Variants in DAPK1 observed in about 807,000 individuals in gnomAD.
The protein encoded by DAPK1 is death-associated protein kinase 1.
A neutral mutation model predicts 144.9 loss-of-function variants in DAPK1; 56 were observed. The ratio of observed to expected loss-of-function variants is 0.39; its 90% CI spans 0.31 to 0.48. The LOEUF (loss-of-function observed/expected upper bound fraction) is 0.48, where lower values mean the gene tolerates loss of function less well. Ranked by LOEUF, DAPK1 falls within the 20% of genes least tolerant of loss-of-function variation. The probability of loss-of-function intolerance (pLI) is 0.95; values close to 1 mark genes in which losing one functional copy is unlikely to be tolerated. For missense variants in DAPK1, 1,454 were observed against 1,875.4 expected (o/e 0.78, Z 4.15); for synonymous variants, 690 against 749.0 (o/e 0.92, Z 1.29).
At chr9:87,566,638 G>C (rs190172845) in intron 2 of DAPK1, among the ~76,000 whole-genome samples, 13 of 152,316 alleles carry the variant, frequency 8.5e-5, no homozygotes, top group African/African-American at 2.9e-4. Flanking sequence ...GATGGCTACA[G>C]AACTAGCCTA....
intron 2 of DAPK1, among the ~76,000 whole-genome samples, chr9:87,519,757 G>A (rs1825223668): frequency 6.6e-6 from 1 of 152,158 alleles, no homozygotes; most frequent in Non-Finnish European, 1.5e-5. Flanking sequence ...TGACAATGAG[G>A]TGGGGCCCAA....
intron 3 of DAPK1, among the ~76,000 whole-genome samples, chr9:87,628,174 A>T (rs553551295): frequency 2.0e-5 from 3 of 152,316 alleles, no homozygotes; most frequent in Non-Finnish European, 1.5e-5. Flanking sequence ...TTTGAGTGCC[A>T]CGCATGCATG....
chr9:87,613,580 TG>T (rs1309478407), intron 3 of DAPK1, among the ~76,000 whole-genome samples: 1 of 152,194 alleles, frequency 6.6e-6, no homozygotes, highest in Non-Finnish European at 1.5e-5. Flanking sequence ...GCGTGGTGCA[TG>T]TATGTAGACG....
chr9:87,560,549 T>C (rs1433956060), intron 2 of DAPK1, among the ~76,000 whole-genome samples: 3 of 152,156 alleles, frequency 2.0e-5, no homozygotes, highest in African/African-American at 7.2e-5. Flanking sequence ...TGATTTGGAC[T>C]ACTTTAGATA....
chr9:87,553,007 C>T (rs1826555068), intron 2 of DAPK1, among the ~76,000 whole-genome samples: 1 of 152,150 alleles, frequency 6.6e-6, no homozygotes, highest in African/African-American at 2.4e-5. Context: ...TTTTCGTCAT[C>T]CCAAGCTGAA....
At chr9:87,612,953 A>T (rs1188758305) in intron 3 of DAPK1, among the ~76,000 whole-genome samples, 2 of 152,188 alleles carry the variant, frequency 1.3e-5, no homozygotes, top group Admixed American at 1.3e-4. Context: ...CCAAGTAAGT[A>T]TTGGCATGGT....
At chr9:87,640,192 G>C in intron 7 of DAPK1, 106 bp from the exon 8 acceptor site, 1 of 1,131,716 alleles carries the variant, frequency 8.8e-7, no homozygotes, top group Non-Finnish European at 1.3e-6. Context: ...GTGACTATTC[G>C]AGCACCAGAT....
intron 25 of DAPK1, among the ~76,000 whole-genome samples, chr9:87,703,920 C>T (rs1825546027): frequency 6.6e-6 from 1 of 152,154 alleles, no homozygotes; most frequent in Non-Finnish European, 1.5e-5. Flanking sequence ...CCTACATGAA[C>T]TAGTGTGGGC....
chr9:87,602,169 A>G (rs1313131911), intron 2 of DAPK1, among the ~76,000 whole-genome samples: 2 of 152,194 alleles, frequency 1.3e-5, no homozygotes, highest in East Asian at 3.8e-4. Context: ...ACGGTATCTT[A>G]AAAGAGGTGA....
chr9:87,646,360 T>C (rs2119159873), intron 12 of DAPK1, 101 bp from the exon 13 acceptor site: 1 of 866,222 alleles, frequency 1.2e-6, no homozygotes, highest in East Asian at 2.5e-5. Context: ...GCTCTATGTC[T>C]GTTGAGACAG....
At chr9:87,554,821 G>A (rs113260314) in intron 2 of DAPK1, among the ~76,000 whole-genome samples, 174 of 152,250 alleles carry the variant, frequency 1.1e-3, no homozygotes, top group Admixed American at 7.8e-3. Context: ...CACCCCCACC[G>A]GAGGTCTGAG....
chr9:87,651,767 C>T, intron 17 of DAPK1, 43 bp downstream of exon 17: 2 of 1,560,040 alleles, frequency 1.3e-6, no homozygotes, highest in Non-Finnish European at 1.8e-6. Context: ...CAACTGTGTC[C>T]ATCCACCCGA....
chr9:87,668,135 A>G (rs796681501), intron 18 of DAPK1: 6 of 153,874 alleles, frequency 3.9e-5, no homozygotes, highest in African/African-American at 1.4e-4. Context: ...TTCCTTTGAA[A>G]TGCACAGTAA....
rs755550317 is a variant in DAPK1 at position 87,658,039 on chromosome 9, C to T, written c.1835C>T (p.Thr612Met). 4.2e-5 allele frequency: 59 copies of T among 1,399,324 alleles called. No individual in the cohort carries two copies. Among genetic ancestry groups the T allele is most frequent in the Admixed American group, 3.0e-4 (18 of 59,380 alleles). 86.7% of individuals were successfully genotyped at this position (1,399,324 alleles called of 1,614,324 possible). A position where few individuals can be genotyped will look rare whatever the true frequency, so the allele number is the denominator to read the frequency against. ...TTTCTCTCTTCCCAGTATGGGCGAA[C>T]GCCTCTGCACCTTGCGGCCAACAAC... ...NLDISNKYGRTPLHLAANNGI... is the reference protein window; with the variant it reads ...NLDISNKYGRMPLHLAANNGI... The change falls in exon 18 of 26, where the codon ACG becomes ATG. Residue 612 changes from threonine to methionine, a missense_variant. Coordinates refer to ENST00000408954, the MANE Select transcript of DAPK1 (RefSeq NM_004938.4).
At chr9:87,701,698 C>T in intron 24 of DAPK1, 1 of 327,542 alleles carries the variant, frequency 3.1e-6, no homozygotes, top group South Asian at 2.6e-5. Flanking sequence ...CCTCTCTTAC[C>T]TTTGAAGCTG....
intron 2 of DAPK1, among the ~76,000 whole-genome samples, chr9:87,566,319 C>T (rs1813270300): frequency 6.6e-6 from 1 of 152,136 alleles, no homozygotes; most frequent in Non-Finnish European, 1.5e-5. Flanking sequence ...CTGTACCCGG[C>T]CCTCAGCATT....
rs1456948443 is a variant in DAPK1 at position 87,604,972 on chromosome 9, G to T, written c.81G>T (p.Val27=). The T allele has an allele frequency of 5.0e-6, 8 of 1,614,080 alleles. No individual in the cohort carries two copies. The East Asian group carries it at 1.8e-4, about 36-fold the overall frequency. Residue 27 remains valine, a synonymous_variant, in exon 3 of 26, where the codon GTG becomes GTT. Transcript: ENST00000408954. ...EELGSGQFAV[V]KKCREKSTGL... is the part of the protein sequence containing the mutation. ...TTTTCAGTGGACAGTTTGCGGTTGTGAAGAAATGCCGTGAGAAAAGCACCG... is the reference window on the plus strand; with the variant it reads ...TTTTCAGTGGACAGTTTGCGGTTGTTAAGAAATGCCGTGAGAAAAGCACCG...
At chr9:87,549,311 G>A (rs1055919979) in intron 2 of DAPK1, among the ~76,000 whole-genome samples, 2 of 152,138 alleles carry the variant, frequency 1.3e-5, no homozygotes, top group Admixed American at 1.3e-4. Flanking sequence ...TGTTGTATAT[G>A]TACCACATTT....
chr9:87,656,844 G>A lies in DAPK1; in HGVS notation c.1825-1185G>A, dbSNP rs529720762. 3.3e-5 allele frequency among the ~76,000 whole-genome samples: 5 copies of A among 152,332 alleles called. No homozygotes were observed. The South Asian group carries it at 1.0e-3, about 32-fold the overall frequency. The stretch of plus-strand genomic sequence containing the variant: ...CGGCTGTTTAAATTATTTCTCTCCT[G>A]TTGAGGATTCATAGATAAGAGCTTG... On this transcript the variant is annotated intron_variant, in intron 17 of 25. Transcript: ENST00000408954.
Sources: allele counts gnomAD v4.1 joint callset (sites outside exome capture counted in the v4.1 genomes callset), GRCh38; gene constraint gnomAD v4.1.1; transcripts MANE v1.5; gene names NCBI Gene and HGNC (gene_info 2026-07-23, HGNC 2026-07-21).